Variants in PRDM14 observed in about 807,000 individuals in gnomAD.
PRDM14 encodes the protein PR/SET domain 14.
A neutral mutation model predicts 48.0 loss-of-function variants in PRDM14; 16 were observed. The observed-to-expected ratio is 0.33, with a 90% CI of 0.23 to 0.51. The LOEUF is 0.51. Ranked by LOEUF, PRDM14 falls within the 20% of genes least tolerant of loss-of-function variation. The pLI, the probability that PRDM14 is intolerant of heterozygous loss-of-function variation, is 0.97. For synonymous variants in PRDM14, 264 were observed against 276.6 expected (o/e 0.95, Z 0.45); for missense variants, 566 against 719.6 (o/e 0.79, Z 2.44).
chr8:70,067,528 AAAC>A (rs1228336436), intron 4 of PRDM14, among the ~76,000 whole-genome samples: 17 of 145,358 alleles, frequency 1.2e-4, no homozygotes, highest in African/African-American at 4.5e-4. Flanking sequence ...AAGAAAAAAA[AAAC>A]AAAAAAAAAA....
intron 6 of PRDM14, 56 bp from the exon 7 acceptor site, chr8:70,055,457 T>TTCAA: frequency 9.8e-7 from 1 of 1,024,294 alleles, no homozygotes; most frequent in Non-Finnish European, 1.5e-6. Flanking sequence ...ACAAGTCCAT[T>TTCAA]TCAACCTTGC....
chr8:70,069,735 G>A lies in PRDM14; in HGVS notation c.126C>T (p.Ser42=), dbSNP rs1438472553. The change falls in exon 2 of 8, where the codon AGC becomes AGT. Residue 42 remains serine (S), a synonymous_variant. Coordinates refer to ENST00000276594, the MANE Select transcript of PRDM14 (RefSeq NM_024504.4). ...GGAAGTCTTCCTCCACGGTGGCCAG[G>A]CTGTTTCTGTAGTGTCCATAGGACG... is the stretch of plus-strand genomic sequence containing the variant. The part of the protein sequence containing the change: ...PFPSYGHYRN[S]LATVEEDFQP... The A allele has an allele frequency of 6.3e-7, 1 of 1,599,420 alleles. No individual in the cohort carries two copies. Among genetic ancestry groups the A allele is most frequent in the Non-Finnish European group, 8.5e-7 (1 of 1,173,170 alleles).
intron 2 of PRDM14, 115 bp downstream of exon 2, chr8:70,069,046 C>T: frequency 1.2e-6 from 1 of 808,380 alleles, no homozygotes; most frequent in Non-Finnish European, 1.9e-6. Context: ...AGGTACTTCC[C>T]CCTTCCCGCA....
intron 5 of PRDM14, among the ~76,000 whole-genome samples, chr8:70,064,731 T>C (rs1172747120): frequency 2.0e-5 from 3 of 151,952 alleles, no homozygotes; most frequent in Non-Finnish European, 4.4e-5. Flanking sequence ...TTCACCGTGT[T>C]AGCCAGGATG....
intron 5 of PRDM14, among the ~76,000 whole-genome samples, chr8:70,063,632 CCT>C (rs1200401974): frequency 1.3e-5 from 2 of 151,894 alleles, no homozygotes; most frequent in Non-Finnish European, 2.9e-5. Context: ...AAGCGATTCT[CCT>C]GTCTCAGCCT....
chr8:70,066,320 A>G lies in PRDM14; in HGVS notation c.1098T>C (p.Tyr366=), dbSNP rs1377393296. 4 of 1,614,058 alleles carry G rather than the reference A, an allele frequency of 2.5e-6. No homozygotes were observed. The highest frequency in any genetic ancestry group is 3.4e-6 in the Non-Finnish European group (4 of 1,180,036). Residue 366 remains tyrosine, a synonymous_variant, in exon 5 of 8, where the codon TAT becomes TAC. Coordinates refer to ENST00000276594, the MANE Select transcript of PRDM14 (RefSeq NM_024504.4). The part of the protein sequence containing the change: ...IHQNQELLVW[Y]GDCYEKFLDI... The stretch of plus-strand genomic sequence containing the variant: ...CCAGAAATTTCTCATAGCAGTCTCC[A>G]TACCACACAAGGAGCTCTTGGTTCT...
At chr8:70,064,950 G>C (rs554407006) in intron 5 of PRDM14, among the ~76,000 whole-genome samples, 2 of 150,056 alleles carry the variant, frequency 1.3e-5, no homozygotes, top group Non-Finnish European at 3.0e-5. Flanking sequence ...GCAGTGGTGC[G>C]GTCTTGGCAT....
At chr8:70,069,122 C>T in intron 2 of PRDM14, 39 bp downstream of exon 2, 1 of 1,428,116 alleles carries the variant, frequency 7.0e-7, no homozygotes, top group Non-Finnish European at 9.3e-7. Context: ...CCTGCATTCC[C>T]GTCCAATTCG....
chr8:70,055,275 T>A lies in PRDM14; in HGVS notation c.1488+25A>T, dbSNP rs757267930. The A allele has an allele frequency of 3.6e-5, 48 of 1,317,968 alleles. 1 individual carries two copies. In the South Asian group the frequency reaches 5.6e-4, roughly 15 times the overall value. The allele number at this position is 1,317,968 out of a possible 1,614,324, so 81.6% of individuals were successfully genotyped here. On this transcript the variant is annotated intron_variant, in intron 7 of 7. Transcript: ENST00000276594. The stretch of plus-strand genomic sequence containing the variant: ...ACACTCAAGCAGAGCTCAGGACACA[T>A]CCCTTAGTAAGAGGTTCCATTTACC...
At chr8:70,056,167 T>G (rs953885413) in intron 6 of PRDM14, among the ~76,000 whole-genome samples, 1 of 152,226 alleles carries the variant, frequency 6.6e-6, no homozygotes, top group African/African-American at 2.4e-5. Flanking sequence ...CGTGTTGAAC[T>G]TGCATGAAGA....
At chr8:70,065,911 T>C (rs1364688646) in intron 5 of PRDM14, among the ~76,000 whole-genome samples, 1 of 152,148 alleles carries the variant, frequency 6.6e-6, no homozygotes, top group Non-Finnish European at 1.5e-5. Context: ...TGGGCAGAGA[T>C]GAATCAGAAA....
At chr8:70,059,725 A>G (rs1805544466) in intron 5 of PRDM14, among the ~76,000 whole-genome samples, 2 of 152,242 alleles carry the variant, frequency 1.3e-5, no homozygotes, top group Non-Finnish European at 2.9e-5. Flanking sequence ...GCCATAGTAG[A>G]TTATTTTAAT....
chr8:70,066,207 A>G (rs1467512578), intron 5 of PRDM14, 28 bp downstream of exon 5: 1 of 1,604,430 alleles, frequency 6.2e-7, no homozygotes, highest in Admixed American at 1.7e-5. Flanking sequence ...GGATGCCCTC[A>G]TTGGGCAAGG....
chr8:70,067,528 A>C (rs1282315601), intron 4 of PRDM14, among the ~76,000 whole-genome samples: 1 of 145,358 alleles, frequency 6.9e-6, no homozygotes, highest in Non-Finnish European at 1.5e-5. Context: ...AAGAAAAAAA[A>C]AACAAAAAAA....
Position 70,051,813 on chromosome 8 carries a change from C to T in PRDM14, c.*264G>A. ...TTGAGACAGGGTCTGGTTCTGTCAC[C>T]CAGGTTGAAAAGCAGTGGGGCGATC... On this transcript the variant is annotated 3_prime_UTR_variant, in exon 8 of 8. Transcript: ENST00000276594. 4 of 348,404 alleles carry T rather than the reference C, an allele frequency of 1.1e-5. No individual in the cohort carries two copies. The highest frequency in any genetic ancestry group is 6.2e-5 in the South Asian group (1 of 16,212). The allele number at this position is 348,404 out of a possible 1,614,324, so 21.6% of individuals were successfully genotyped here.
At chr8:70,060,702 C>T (rs1163814791) in intron 5 of PRDM14, among the ~76,000 whole-genome samples, 1 of 152,102 alleles carries the variant, frequency 6.6e-6, no homozygotes, top group Non-Finnish European at 1.5e-5. Context: ...GCAGTGCAAC[C>T]CTGCAGCTCT....
chr8:70,066,092 T>C (rs113007364), intron 5 of PRDM14, 143 bp downstream of exon 5: 56,798 of 891,192 alleles, frequency 0.064, 2,258 homozygotes, highest in Middle Eastern at 0.079. Flanking sequence ...ACCTGGGTAA[T>C]TCCCCCCTGG....
At chr8:70,064,547 C>T (rs1355470641) in intron 5 of PRDM14, among the ~76,000 whole-genome samples, 2 of 128,376 alleles carry the variant, frequency 1.6e-5, no homozygotes, top group African/African-American at 3.0e-5. Flanking sequence ...TTTTTTGAAA[C>T]GGAATCTCGC....
intron 1 of PRDM14, among the ~76,000 whole-genome samples, chr8:70,070,559 C>T (rs916894264): frequency 6.6e-6 from 1 of 152,190 alleles, no homozygotes; most frequent in Admixed American, 6.5e-5. Flanking sequence ...GGGAGGGGCG[C>T]GCCACTTTTG....
Sources: allele counts gnomAD v4.1 joint callset (sites outside exome capture counted in the v4.1 genomes callset), GRCh38; gene constraint gnomAD v4.1.1; transcripts MANE v1.5; gene names NCBI Gene and HGNC (gene_info 2026-07-23, HGNC 2026-07-21).